ATG13: variants seen among roughly 807,000 people sequenced by gnomAD.
ATG13 encodes the protein autophagy-related protein 13.
A neutral mutation model predicts 65.5 loss-of-function variants in ATG13; 23 were observed. The ratio of observed to expected loss-of-function variants is 0.35; its 90% confidence interval spans 0.25 to 0.50. The LOEUF (loss-of-function observed/expected upper bound fraction) is 0.50, where lower values mean the gene tolerates loss of function less well. Ranked by LOEUF, ATG13 falls within the 20% of genes least tolerant of loss-of-function variation. The pLI is 0.98. For synonymous variants in ATG13, 252 were observed against 245.2 expected, an observed-to-expected ratio of 1.03 and a Z score of -0.26; for missense variants, 566 against 677.0, an observed-to-expected ratio of 0.84 and a Z score of 1.82.
At chr11:46,672,170 G>T (rs1189214818) in intron 18 of ATG13, 85 bp from the exon 19 acceptor site, 1 of 1,598,786 alleles carries the variant, frequency 6.3e-7, no homozygotes, top group Non-Finnish European at 8.5e-7. Context: ...CGTCTTGCTT[G>T]CTGCCTCCCC....
At chr11:46,664,159 A>G in intron 12 of ATG13, 64 bp downstream of exon 12, 1 of 1,226,530 alleles carries the variant, frequency 8.2e-7, no homozygotes, top group Non-Finnish European at 1.2e-6. Flanking sequence ...AAAATTGTAA[A>G]TAAATTATAA....
chr11:46,668,388 T>G, intron 15 of ATG13, 111 bp from the exon 16 acceptor site: 1 of 1,072,938 alleles, frequency 9.3e-7, no homozygotes, highest in Non-Finnish European at 1.4e-6. Flanking sequence ...GGCAGCATGG[T>G]CAGCATAGCT....
At position 46,657,103 on chromosome 11, in the gene ATG13, A is replaced by G. The variant is rs751125387; in HGVS notation, c.508A>G (p.Thr170Ala). Residue 170 changes from threonine (T) to alanine (A), a missense_variant, in exon 9 of 19, where the codon ACA (threonine) becomes GCA (alanine). Thr to Ala is a moderately conservative substitution (Grantham distance 58). Around this residue, in one of 2 missense-constraint regions of ATG13, gnomAD observed 179 missense variants for 267.2 expected, o/e 0.67. Transcript: ENST00000683050. Reference protein sequence around the residue: ...QLSGLGEGFQTVRVGTVGTPV... With the variant: ...QLSGLGEGFQAVRVGTVGTPV... ...TGTATCTCTTCTCCTAGGCTTCCAGACAGTTCGTGTTGGGACAGTGGGCAC... is the reference window on the plus strand; with the variant it reads ...TGTATCTCTTCTCCTAGGCTTCCAGGCAGTTCGTGTTGGGACAGTGGGCAC... 6 of 1,613,624 alleles carry G rather than the reference A, an allele frequency of 3.7e-6. No homozygotes were observed. The highest frequency in any genetic ancestry group is 5.1e-6 in the Non-Finnish European group (6 of 1,179,666).
chr11:46,657,524 G>A lies in ATG13; in HGVS notation c.597G>A (p.Arg199=), dbSNP rs2060283209. The A allele has an allele frequency of 6.2e-7, 1 of 1,613,246 alleles. No individual in the cohort carries two copies. Among genetic ancestry groups the A allele is most frequent in the Non-Finnish European group, 8.5e-7 (1 of 1,179,194 alleles). ...YRINLAFMST[R]QFERTPPIMG... is the part of the protein sequence containing the mutation. ...CTGGAATCTGCTTATTGTATTACAGGCAATTTGAGAGGACCCCACCTATCA... is the reference window on the plus strand; with the variant it reads ...CTGGAATCTGCTTATTGTATTACAGACAATTTGAGAGGACCCCACCTATCA... The change falls in exon 10 of 19, where the codon AGG becomes AGA. Residue 199 remains arginine, a splice_region_variant and synonymous_variant. Coordinates refer to ENST00000683050, the MANE Select transcript of ATG13 (RefSeq NM_001346311.2).
intron 5 of ATG13, among the ~76,000 whole-genome samples, chr11:46,648,108 C>T (rs965924628): frequency 6.6e-6 from 1 of 150,688 alleles, no homozygotes; most frequent in Non-Finnish European, 1.5e-5. Context: ...CCCCACCCCC[C>T]CCAGCACTTT....
chr11:46,645,080 T>TA (rs2057169303), intron 3 of ATG13, among the ~76,000 whole-genome samples: 1 of 152,226 alleles, frequency 6.6e-6, no homozygotes, highest in South Asian at 2.1e-4. Context: ...ATGAGAATAT[T>TA]ACAGTTTCCA....
intron 3 of ATG13, among the ~76,000 whole-genome samples, chr11:46,645,124 A>C (rs1290267404): frequency 6.6e-6 from 1 of 152,198 alleles, no homozygotes; most frequent in Non-Finnish European, 1.5e-5. Context: ...ATTGGTTGAC[A>C]CTGTACCCTC....
At chr11:46,635,044 G>T (rs889375678) in intron 2 of ATG13, among the ~76,000 whole-genome samples, 21 of 149,572 alleles carry the variant, frequency 1.4e-4, no homozygotes, top group African/African-American at 4.9e-4. Flanking sequence ...TTTTCTCTCT[G>T]TCTCCTAGTC....
chr11:46,646,295 C>T (rs911228506), intron 5 of ATG13, among the ~76,000 whole-genome samples: 1 of 151,916 alleles, frequency 6.6e-6, no homozygotes, highest in Non-Finnish European at 1.5e-5. Context: ...ATTACAGGTA[C>T]ATGCCACCAT....
At chr11:46,634,009 T>G (rs566313118) in intron 2 of ATG13, among the ~76,000 whole-genome samples, 1 of 152,244 alleles carries the variant, frequency 6.6e-6, no homozygotes, top group Non-Finnish European at 1.5e-5. Flanking sequence ...TTTCAGTGAC[T>G]AGACTCTTTG....
chr11:46,655,195 C>T (rs749762166), intron 7 of ATG13, among the ~76,000 whole-genome samples: 1 of 152,030 alleles, frequency 6.6e-6, no homozygotes, highest in Non-Finnish European at 1.5e-5. Flanking sequence ...ATCAGGAGAT[C>T]GAAACCATCC....
intron 7 of ATG13, among the ~76,000 whole-genome samples, chr11:46,653,148 T>C (rs1047965702): frequency 6.6e-6 from 1 of 151,080 alleles, no homozygotes; most frequent in Non-Finnish European, 1.5e-5. Flanking sequence ...GTGCTTTGTA[T>C]TTCAGATATT....
Position 46,673,849 on chromosome 11 carries a change from C to CT in ATG13, c.*1517_*1518insT, listed in dbSNP as rs2064244402. ...GCATTCACTGGCAGCAGCTGTGCTT[C>CT]AGTGGAGCAGGTGGTTCTCAGCTGC... On this transcript the variant is annotated 3_prime_UTR_variant, in exon 19 of 19. Coordinates refer to ENST00000683050, the MANE Select transcript of ATG13 (RefSeq NM_001346311.2). The CT allele has an allele frequency of 6.6e-6, 1 of 152,276 alleles. No individual in the cohort carries two copies. The highest frequency in any genetic ancestry group is 1.5e-5 in the Non-Finnish European group (1 of 68,114). 9.4% of individuals were successfully genotyped at this position (152,276 alleles called of 1,614,324 possible).
At chr11:46,659,747 T>C (rs2060769162) in intron 11 of ATG13, 1 of 328,810 alleles carries the variant, frequency 3.0e-6, no homozygotes, top group Non-Finnish European at 5.6e-6. Context: ...GTCACAGAAT[T>C]CCAAATGCAT....
chr11:46,644,777 A>C (rs931719840), intron 3 of ATG13, among the ~76,000 whole-genome samples: 2 of 152,170 alleles, frequency 1.3e-5, no homozygotes, highest in Non-Finnish European at 2.9e-5. Flanking sequence ...CTGGTAAATG[A>C]GGAATTAAAA....
intron 2 of ATG13, among the ~76,000 whole-genome samples, chr11:46,631,773 AG>A (rs774161669): frequency 6.6e-6 from 1 of 152,110 alleles, no homozygotes; most frequent in Admixed American, 6.6e-5. Flanking sequence ...CAGCTACTTG[AG>A]AGGCTGAGAT....
At chr11:46,658,192 T>A (rs2060421537) in intron 10 of ATG13, among the ~76,000 whole-genome samples, 1 of 152,244 alleles carries the variant, frequency 6.6e-6, no homozygotes, top group Non-Finnish European at 1.5e-5. Context: ...CACATTAGTT[T>A]CATATCAGAA....
intron 11 of ATG13, among the ~76,000 whole-genome samples, chr11:46,660,768 G>A (rs1019879524): frequency 6.6e-6 from 1 of 151,404 alleles, no homozygotes; most frequent in African/African-American, 2.4e-5. Context: ...GAGTGCAGTG[G>A]TGCAGTCATG....
In ATG13 at chr11:46,665,367, C is replaced by G; in HGVS notation, c.1000-16C>G. 1 of 1,611,746 alleles carries G rather than the reference C, an allele frequency of 6.2e-7. No individual in the cohort carries two copies. ...GCATGCCATGATTCACTGTCTCTTT[C>G]CATTTTTCCCCAAAGCTGATGGTTC... is the stretch of plus-strand genomic sequence containing the variant. On this transcript the variant is annotated splice_polypyrimidine_tract_variant and intron_variant, in intron 13 of 18. Transcript: ENST00000683050.
Sources: allele counts gnomAD v4.1 joint callset (sites outside exome capture counted in the v4.1 genomes callset), GRCh38; gene constraint gnomAD v4.1.1; regional missense constraint gnomAD v4.1.1; transcripts MANE v1.5; gene names NCBI Gene and HGNC (gene_info 2026-07-23, HGNC 2026-07-21).